The following ENPP5 variants were observed in gnomAD, a reference collection of about 807,000 sequenced individuals.
ENPP5 encodes the protein E-NPP 5.
Under a neutral mutation model 33.7 loss-of-function variants are expected in ENPP5, and 27 were observed. The ratio of observed to expected loss-of-function variants is 0.80; its 90% CI spans 0.59 to 1.11. The LOEUF (loss-of-function observed/expected upper bound fraction) is 1.11, where lower values mean the gene tolerates loss of function less well. Ranked by LOEUF, ENPP5 falls within the 50% of genes least tolerant of loss-of-function variation. The probability of loss-of-function intolerance (pLI) is 0.00; values close to 1 mark genes in which losing one functional copy is unlikely to be tolerated. For missense variants in ENPP5, 552 were observed against 579.2 expected, an observed-to-expected ratio of 0.95 and a Z score of 0.48; for synonymous variants, 199 against 200.5, an observed-to-expected ratio of 0.99 and a Z score of 0.06.
Position 46,161,169 on chromosome 6 carries a change from G to T in ENPP5, c.*157C>A, listed in dbSNP as rs1764378622. ...GGTGTAAGTATTTTGGTCCGTGTGT[G>T]TGTATGTGTGTGTGTGTGTGTGTGT... On this transcript the variant is annotated 3_prime_UTR_variant, in exon 5 of 5. Transcript: ENST00000371383. The T allele has an allele frequency of 3.3e-6, 2 of 602,756 alleles. No individual in the cohort carries two copies. Among genetic ancestry groups the T allele is most frequent in the South Asian group, 4.1e-5 (2 of 48,732 alleles). 37.3% of individuals were successfully genotyped at this position (602,756 alleles called of 1,614,324 possible). A position where few individuals can be genotyped will look rare whatever the true frequency, so the allele number is the denominator to read the frequency against.
intron 1 of ENPP5, among the ~76,000 whole-genome samples, chr6:46,170,384 A>G (rs1453339015): frequency 6.7e-6 from 1 of 148,782 alleles, no homozygotes; most frequent in East Asian, 2.0e-4. Flanking sequence ...AATGAAAACA[A>G]TCAGAATTTT....
Position 46,159,372 on chromosome 6 carries a change from G to A in ENPP5, c.*1954C>T, listed in dbSNP as rs1457008858. 1 of 152,124 alleles carries A rather than the reference G, an allele frequency of 6.6e-6. No individual in the cohort carries two copies. The highest frequency in any genetic ancestry group is 1.5e-5 in the Non-Finnish European group (1 of 68,018). The allele number at this position is 152,124 out of a possible 1,614,324, so 9.4% of individuals were successfully genotyped here. On this transcript the variant is annotated 3_prime_UTR_variant, in exon 5 of 5. Coordinates refer to ENST00000371383, the MANE Select transcript of ENPP5 (RefSeq NM_001290072.2). ...AATTATTAATTTAAATGGACAGATAGCATAATAGTAATGCTCTAAAATGGA... is the reference window on the plus strand; with the variant it reads ...AATTATTAATTTAAATGGACAGATAACATAATAGTAATGCTCTAAAATGGA...
intron 4 of ENPP5, chr6:46,165,151 A>G (rs562402077): frequency 3.2e-4 from 122 of 381,410 alleles, no homozygotes; most frequent in South Asian, 9.7e-4. Flanking sequence ...TTAATCAATA[A>G]ACATGATAGA....
At chr6:46,170,571 A>G (rs1238266728) in intron 1 of ENPP5, among the ~76,000 whole-genome samples, 1 of 152,040 alleles carries the variant, frequency 6.6e-6, no homozygotes, top group Non-Finnish European at 1.5e-5. Context: ...CAGAAGGAGT[A>G]GGTTTGTGTA....
rs1052308888 is a variant in ENPP5, at chr6:46,170,965, A to T, written c.-255T>A. 6.6e-6 allele frequency: 1 copy of T among 152,310 alleles called. No homozygotes were observed. The highest frequency in any genetic ancestry group is 1.5e-5 in the Non-Finnish European group (1 of 68,150). 9.4% of individuals were successfully genotyped at this position (152,310 alleles called of 1,614,324 possible). ...TCACCTGCGCTCAACTCTGGAGCGG[A>T]GCACCTGACCGCGCCGCTTCCCCGC... On this transcript the variant is annotated 5_prime_UTR_variant, in exon 1 of 5. Transcript: ENST00000371383.
Position 46,167,679 on chromosome 6 carries a change from T to C in ENPP5, c.584A>G (p.His195Arg), listed in dbSNP as rs1048246173. The change falls in exon 3 of 5, where the codon CAC becomes CGC. Residue 195 changes from histidine to arginine, a missense_variant. Physicochemically the swap from His to Arg is conservative, Grantham distance 29. Transcript: ENST00000371383. ...GAGCGGACTGTCAGGTCCCAAATGGTGGCCCATGTCATCAGGGTCTTCCCA... is the reference window on the plus strand; with the variant it reads ...GAGCGGACTGTCAGGTCCCAAATGGCGGCCCATGTCATCAGGGTCTTCCCA... The part of the protein sequence containing the change: ...LYWEDPDDMG[H>R]HLGPDSPLMG... 2.5e-6 allele frequency: 4 copies of C among 1,614,146 alleles called. No homozygotes were observed. The highest frequency in any genetic ancestry group is 3.4e-6 in the Non-Finnish European group (4 of 1,179,966).
intron 4 of ENPP5, 161 bp downstream of exon 4, chr6:46,165,226 A>G (rs1188763030): frequency 1.8e-6 from 1 of 547,204 alleles, no homozygotes; most frequent in East Asian, 3.2e-5. Flanking sequence ...CAATATCTAA[A>G]AAAAGCATTT....
chr6:46,162,838 T>G (rs1222929548), intron 4 of ENPP5, among the ~76,000 whole-genome samples: 1 of 152,232 alleles, frequency 6.6e-6, no homozygotes, highest in Admixed American at 6.5e-5. Context: ...GACAGGGTAC[T>G]ATGCTATTTC....
intron 2 of ENPP5, among the ~76,000 whole-genome samples, chr6:46,169,089 C>CCCT (rs1764648961): frequency 6.6e-6 from 1 of 152,178 alleles, no homozygotes; most frequent in Non-Finnish European, 1.5e-5. Context: ...AGTAAAAGCA[C>CCCT]TTCCCTGGTT....
Position 46,167,450 on chromosome 6 carries a change from G to A in ENPP5, c.813C>T (p.Ala271=). ...CAGCCTTACCTTCTTTTGGCAAGAT[G>A]GCTGCTACTGGAGATTGATCAATCA... ...YTLIDQSPVA[A]ILPKEGKFDE... Residue 271 remains alanine, a synonymous_variant, in exon 3 of 5, where the codon GCC becomes GCT. Coordinates refer to ENST00000371383, the MANE Select transcript of ENPP5 (RefSeq NM_001290072.2). 8.1e-6 allele frequency: 13 copies of A among 1,603,176 alleles called. 1 individual carries two copies. The South Asian group carries it at 1.4e-4, about 18-fold the overall frequency.
chr6:46,162,339 C>T (rs1428807577), intron 4 of ENPP5, among the ~76,000 whole-genome samples: 2 of 152,168 alleles, frequency 1.3e-5, no homozygotes, highest in African/African-American at 2.4e-5. Context: ...TAGCTCTAAT[C>T]AGGATCCAAC....
At chr6:46,164,761 CAG>C (rs1282665865) in intron 4 of ENPP5, among the ~76,000 whole-genome samples, 1 of 136,316 alleles carries the variant, frequency 7.3e-6, no homozygotes, top group African/African-American at 2.8e-5. Flanking sequence ...TTTTTTGAGA[CAG>C]AGTCTTGCTC....
In ENPP5 at chr6:46,163,969, G is replaced by A. The variant is rs370996031; in HGVS notation, c.1006+1418C>T. Among the ~76,000 whole-genome samples, 1,210 of 152,188 alleles carry A rather than the reference G, an allele frequency of 8.0e-3. 40 individuals carry two copies. Among genetic ancestry groups the A allele is most frequent in the East Asian group, 0.073 (376 of 5,164 alleles). On this transcript the variant is annotated intron_variant, in intron 4 of 4. Transcript: ENST00000371383. ...TTCAAGATGGATTAAAGACTTAAACGCTAGACCTAAAACCATAAAAACCCT... is the reference window on the plus strand; with the variant it reads ...TTCAAGATGGATTAAAGACTTAAACACTAGACCTAAAACCATAAAAACCCT...
intron 2 of ENPP5, among the ~76,000 whole-genome samples, chr6:46,168,919 A>T (rs1764643065): frequency 6.6e-6 from 1 of 152,214 alleles, no homozygotes; most frequent in Non-Finnish European, 1.5e-5. Context: ...TTTATTGAAA[A>T]GTAATCTGCA....
intron 1 of ENPP5, among the ~76,000 whole-genome samples, chr6:46,170,364 G>C (rs547736446): frequency 3.9e-5 from 6 of 151,964 alleles, no homozygotes; most frequent in African/African-American, 1.4e-4. Context: ...AACAGAGGTG[G>C]GGGGTGGGGA....
rs1000025781 is a variant in ENPP5, at chr6:46,167,472, A to G, written c.791T>C (p.Ile264Thr). ...GATGGCTGCTACTGGAGATTGATCA[A>G]TCAGGGTATAGTGGTCTTTATCCAG... is the stretch of plus-strand genomic sequence containing the variant. ...QYLDKDHYTL[I>T]DQSPVAAILP... The change falls in exon 3 of 5, where the codon ATT becomes ACT. Residue 264 changes from isoleucine (I) to threonine (T), a missense_variant. Coordinates refer to ENST00000371383, the MANE Select transcript of ENPP5 (RefSeq NM_001290072.2). The G allele has an allele frequency of 1.2e-6, 2 of 1,610,864 alleles. No homozygotes were observed. The highest frequency in any genetic ancestry group is 1.7e-6 in the Non-Finnish European group (2 of 1,177,442).
At chr6:46,162,642 C>T (rs1241108422) in intron 4 of ENPP5, among the ~76,000 whole-genome samples, 3 of 152,082 alleles carry the variant, frequency 2.0e-5, no homozygotes, top group Non-Finnish European at 2.9e-5. Context: ...GCTCCCTGCC[C>T]CATCCACCTC....
chr6:46,161,827 T>G, intron 4 of ENPP5, 74 bp from the exon 5 acceptor site: 1 of 1,102,060 alleles, frequency 9.1e-7, no homozygotes, highest in Non-Finnish European at 1.3e-6. Context: ...ATGGTCAAAT[T>G]CTGAACTTAA....
At position 46,166,799 on chromosome 6, in the gene ENPP5, T is replaced by C. The variant is rs72860294; in HGVS notation, c.829+635A>G. Among the ~76,000 whole-genome samples, 1,442 of 152,320 alleles carry C rather than the reference T, an allele frequency of 9.5e-3. 7 individuals are homozygous for C. Among genetic ancestry groups the C allele is most frequent in the Non-Finnish European group, 0.014 (958 of 68,024 alleles). ...GATAAAATATGTCAAAGAGCATGTCTGAGTCATGTTGTCACTTATTTTGTG... is the reference window on the plus strand; with the variant it reads ...GATAAAATATGTCAAAGAGCATGTCCGAGTCATGTTGTCACTTATTTTGTG... On this transcript the variant is annotated intron_variant, in intron 3 of 4. Coordinates refer to ENST00000371383, the MANE Select transcript of ENPP5 (RefSeq NM_001290072.2).
Sources: allele counts gnomAD v4.1 joint callset (sites outside exome capture counted in the v4.1 genomes callset), GRCh38; gene constraint gnomAD v4.1.1; transcripts MANE v1.5; gene names NCBI Gene and HGNC (gene_info 2026-07-23, HGNC 2026-07-21).